Variants in FOXO1 observed in about 807,000 individuals in gnomAD.
FOXO1 encodes forkhead box protein O1.
FOXO1 carries 6 observed loss-of-function variants against 44.1 expected under a neutral mutation model. The observed-to-expected ratio is 0.14, with a 90% CI of 0.07 to 0.27. The LOEUF (loss-of-function observed/expected upper bound fraction) is 0.27. Among genes scored for constraint, FOXO1 ranks in the 10% least tolerant of loss-of-function variants. FOXO1 has a pLI of 1.00. For synonymous variants in FOXO1, 380 were observed against 362.7 expected, an observed-to-expected ratio of 1.05 and a Z score of -0.54; for missense variants, 737 against 888.8, an observed-to-expected ratio of 0.83 and a Z score of 2.17.
At chr13:40,576,127 C>G (rs994436681) in intron 1 of FOXO1, among the ~76,000 whole-genome samples, 4 of 152,098 alleles carry the variant, frequency 2.6e-5, no homozygotes, top group Non-Finnish European at 4.4e-5. Flanking sequence ...TAAATATGAG[C>G]TATTAGTGTT....
chr13:40,617,336 C>T (rs3924478), intron 1 of FOXO1, among the ~76,000 whole-genome samples: 58,736 of 151,762 alleles, frequency 0.39, 12,207 homozygotes, highest in East Asian at 0.75. Context: ...TCCCAGCTAC[C>T]TGGGAGGCTG....
At position 40,559,683 on chromosome 13, in the gene FOXO1, T is replaced by C; in HGVS notation, c.1808A>G (p.Asp603Gly). 1.2e-6 allele frequency: 2 copies of C among 1,614,194 alleles called. No homozygotes were observed. Among genetic ancestry groups the C allele is most frequent in the Non-Finnish European group, 1.7e-6 (2 of 1,180,022 alleles). Residue 603 changes from aspartate to glycine, a missense_variant, in exon 2 of 3, where the codon GAT (aspartate) becomes GGT (glycine). By Grantham distance (94) the Asp-to-Gly change is moderately conservative. Around this residue, in one of 7 missense-constraint regions of FOXO1, gnomAD observed 45 missense variants for 78.3 expected, o/e 0.57. Coordinates refer to ENST00000379561, the MANE Select transcript of FOXO1 (RefSeq NM_002015.4). ...GTCTAAGCGCTCAATGAACATGCCA[T>C]CCAAGTCACTTGGGAGCTTCTCCTG... ...LHQEKLPSDL[D>G]GMFIERLDCD...
intron 1 of FOXO1, among the ~76,000 whole-genome samples, chr13:40,609,391 C>A (rs772580383): frequency 6.6e-6 from 1 of 152,038 alleles, no homozygotes; most frequent in Non-Finnish European, 1.5e-5. Context: ...TTATATCAGT[C>A]TACACTGTAT....
At chr13:40,650,721 TC>T (rs1163400740) in intron 1 of FOXO1, among the ~76,000 whole-genome samples, 6 of 152,188 alleles carry the variant, frequency 3.9e-5, no homozygotes, top group Admixed American at 1.3e-4. Flanking sequence ...TAATCTGGAT[TC>T]TGCTCTTGTT....
chr13:40,633,662 A>G (rs1392695904), intron 1 of FOXO1, among the ~76,000 whole-genome samples: 1 of 152,202 alleles, frequency 6.6e-6, no homozygotes, highest in Admixed American at 6.5e-5. Context: ...GGATGATAAA[A>G]ATGAAAATTG....
chr13:40,614,023 C>T (rs1281888846), intron 1 of FOXO1, among the ~76,000 whole-genome samples: 1 of 152,216 alleles, frequency 6.6e-6, no homozygotes, highest in Admixed American at 6.5e-5. Context: ...TTCTACCATG[C>T]AACACAGTGG....
At chr13:40,635,201 C>CAA (rs74973932) in intron 1 of FOXO1, among the ~76,000 whole-genome samples, 4 of 151,806 alleles carry the variant, frequency 2.6e-5, no homozygotes, top group Admixed American at 6.6e-5. Context: ...CTTCATTAAC[C>CAA]AAAAAAATTT....
intron 1 of FOXO1, among the ~76,000 whole-genome samples, chr13:40,625,536 C>T (rs1356419846): frequency 6.6e-6 from 1 of 151,892 alleles, no homozygotes; most frequent in African/African-American, 2.4e-5. Context: ...TGCTATAAAA[C>T]AGAGGTTTTT....
intron 1 of FOXO1, chr13:40,619,935 A>T (rs1876552965): frequency 1.5e-6 from 1 of 678,506 alleles, no homozygotes; most frequent in African/African-American, 1.8e-5. Flanking sequence ...CAAACCAAAG[A>T]TTAGGGCCAA....
intron 1 of FOXO1, among the ~76,000 whole-genome samples, chr13:40,630,819 T>C (rs1039297866): frequency 3.3e-5 from 5 of 152,178 alleles, no homozygotes; most frequent in African/African-American, 1.2e-4. Flanking sequence ...TAAATCTTTT[T>C]AATTTCTTAA....
chr13:40,650,305 C>T (rs9549249), intron 1 of FOXO1, among the ~76,000 whole-genome samples: 62,977 of 151,848 alleles, frequency 0.41, 14,344 homozygotes, highest in East Asian at 0.75. Context: ...ACCTGTTTTA[C>T]CAGCAAGGTC....
chr13:40,628,602 A>T (rs969928966), intron 1 of FOXO1, among the ~76,000 whole-genome samples: 9 of 152,108 alleles, frequency 5.9e-5, no homozygotes, highest in Admixed American at 4.6e-4. Context: ...GACTCATACG[A>T]TCTAGACCCA....
intron 1 of FOXO1, among the ~76,000 whole-genome samples, chr13:40,633,719 A>G (rs1218068621): frequency 6.6e-6 from 1 of 152,216 alleles, no homozygotes; most frequent in Non-Finnish European, 1.5e-5. Context: ...AAACTATTGA[A>G]TTGTACTCTT....
In FOXO1 at chr13:40,636,387, G is replaced by A. The variant is rs78600427; in HGVS notation, c.630+29196C>T. 5.7e-3 allele frequency among the ~76,000 whole-genome samples: 871 copies of A among 152,238 alleles called. 7 individuals carry two copies. The highest frequency in any genetic ancestry group is 0.02 in the African/African-American group (833 of 41,534). On this transcript the variant is annotated intron_variant, in intron 1 of 2. Transcript: ENST00000379561. The stretch of plus-strand genomic sequence containing the variant: ...AAGGCTACTGTAAGAATAAAATAAT[G>A]GGCTGGGCCCAGTGGCTCATGCCTG...
intron 1 of FOXO1, chr13:40,621,209 CA>C (rs2137902598): frequency 1.5e-6 from 1 of 663,854 alleles, no homozygotes; most frequent in South Asian, 1.5e-5. Flanking sequence ...TCAGTGACCA[CA>C]TAACTGGAAA....
chr13:40,661,147 T>C (rs1161558612), intron 1 of FOXO1, among the ~76,000 whole-genome samples: 1 of 152,184 alleles, frequency 6.6e-6, no homozygotes, highest in Non-Finnish European at 1.5e-5. Context: ...ATGTTTTAGC[T>C]CTCAAATAGA....
intron 1 of FOXO1, chr13:40,620,271 C>G (rs1245932242): frequency 2.3e-6 from 3 of 1,298,276 alleles, no homozygotes; most frequent in Non-Finnish European, 3.3e-6. Flanking sequence ...GAGATCAGGA[C>G]AGTATTGCAA....
At chr13:40,575,266 A>T (rs1874700955) in intron 1 of FOXO1, among the ~76,000 whole-genome samples, 1 of 152,152 alleles carries the variant, frequency 6.6e-6, no homozygotes. Flanking sequence ...GCTTGAGCCC[A>T]GGAAGTTGAG....
intron 1 of FOXO1, among the ~76,000 whole-genome samples, chr13:40,640,202 C>T (rs1227708903): frequency 2.6e-5 from 4 of 152,210 alleles, no homozygotes; most frequent in Admixed American, 6.5e-5. Flanking sequence ...AAGGGCCACA[C>T]ACTTCATGCA....
Sources: allele counts gnomAD v4.1 joint callset (sites outside exome capture counted in the v4.1 genomes callset), GRCh38; gene constraint gnomAD v4.1.1; regional missense constraint gnomAD v4.1.1; transcripts MANE v1.5; gene names NCBI Gene and HGNC (gene_info 2026-07-23, HGNC 2026-07-21).